NR4A2: variants seen among roughly 807,000 people sequenced by gnomAD.
NR4A2 encodes NGFI-B/nur77 beta-type transcription factor homolog.
A neutral mutation model predicts 50.5 loss-of-function variants in NR4A2; 1 was observed. That is an observed-to-expected ratio of 0.02 (90% CI 0.01 to 0.09). The LOEUF is 0.09. Among genes scored for constraint, NR4A2 ranks in the 10% least tolerant of loss-of-function variants. The pLI is 1.00. For missense variants in NR4A2, 613 were observed against 777.3 expected (o/e 0.79, Z 2.51); for synonymous variants, 328 against 309.4 (o/e 1.06, Z -0.63).
chr2:156,329,426 C>T lies in NR4A2; in HGVS notation c.761G>A (p.Arg254Gln), dbSNP rs774316165. Reference protein sequence around the residue: ...LDTQVPSPPSRGSPSNEGLCA... With the variant: ...LDTQVPSPPSQGSPSNEGLCA... ...CAGCCCCTCGTTGGAGGGGGAGCCC[C>T]GCGACGGCGGTGAGGGCACCTGCGT... Residue 254 changes from arginine to glutamine, a missense_variant, in exon 3 of 8, where the codon CGG (arginine) becomes CAG (glutamine). This residue lies in a region of NR4A2 where 275 missense variants were observed against 248.9 expected (regional missense o/e 1.10). Coordinates refer to ENST00000339562, the MANE Select transcript of NR4A2 (RefSeq NM_006186.4). The surrounding 1 kb of genome is among the most constrained non-coding windows in gnomAD (Gnocchi z 7.5). 1 of 1,609,364 alleles carries T rather than the reference C, an allele frequency of 6.2e-7. No individual in the cohort carries two copies. Among genetic ancestry groups the T allele is most frequent in the Non-Finnish European group, 8.5e-7 (1 of 1,179,098 alleles).
rs111928086 is a variant in NR4A2 at position 156,330,534 on chromosome 2, G to T, written c.-3+134C>A. The T allele has an allele frequency of 8.2e-4, 801 of 980,194 alleles. 2 individuals are homozygous for T. The African/African-American group carries it at 0.012, about 14-fold the overall frequency. The allele number at this position is 980,194 out of a possible 1,614,324, so 60.7% of individuals were successfully genotyped here. A position where few individuals can be genotyped will look rare whatever the true frequency, so the allele number is the denominator to read the frequency against. On this transcript the variant is annotated intron_variant, in intron 2 of 7. Coordinates refer to ENST00000339562, the MANE Select transcript of NR4A2 (RefSeq NM_006186.4). ...GAAATGACCATCTAGAAATGAAGTT[G>T]AATTTCACAATGAGAAAGTTGTTCC...
rs755000111 is a variant in NR4A2, at chr2:156,327,933, G to A, written c.1076C>T (p.Ser359Leu). ...GGCACTGATCAGACTCACCGGGGGC[G>A]AAGGGGGAGAGGGCTCCTGTGGGCT... ...PKSPQEPSPP[S>L]PPVSLISALV... The change falls in exon 5 of 8, where the codon TCG (serine) becomes TTG (leucine). Residue 359 changes from serine to leucine, a missense_variant. By Grantham distance (145) the Ser-to-Leu change is moderately radical. Transcript: ENST00000339562. 2.5e-6 allele frequency: 4 copies of A among 1,596,820 alleles called. No individual in the cohort carries two copies. In the African/African-American group the frequency reaches 4.0e-5, roughly 16 times the overall value.
At chr2:156,327,549 G>A (rs1355086795) in intron 5 of NR4A2, among the ~76,000 whole-genome samples, 1 of 151,782 alleles carries the variant, frequency 6.6e-6, no homozygotes, top group Non-Finnish European at 1.5e-5. Context: ...CATGGTAGAG[G>A]CACTGGTGTA....
rs1271960819 is a variant in NR4A2 at position 156,328,507 on chromosome 2, G to A, written c.891C>T (p.Tyr297=). 14 of 1,614,042 alleles carry A rather than the reference G, an allele frequency of 8.7e-6. No individual in the cohort carries two copies. The highest frequency in any genetic ancestry group is 1.2e-5 in the Non-Finnish European group (14 of 1,180,036). The change falls in exon 4 of 8, where the codon TAC becomes TAT. Residue 297 remains tyrosine (Y), a synonymous_variant. Transcript: ENST00000339562. The surrounding 1 kb of genome is among the most constrained non-coding windows in gnomAD (Gnocchi z 4.9). ...GGCAGTTTTTATTTGCTAAACACAC[G>A]TATTTTGCATTTTTTTGCACTGTGC... The part of the protein sequence containing the change: ...FKRTVQKNAK[Y]VCLANKNCPV...
chr2:156,332,558 T>C lies in NR4A2; in HGVS notation c.-205A>G. ...CCCTCTGGGAGCCCGGGCGCCGGGGTCGGGTAGGGGTGGGAGAGCTGGGCG... is the reference window on the plus strand; with the variant it reads ...CCCTCTGGGAGCCCGGGCGCCGGGGCCGGGTAGGGGTGGGAGAGCTGGGCG... On this transcript the variant is annotated 5_prime_UTR_variant, in exon 1 of 8. Coordinates refer to ENST00000339562, the MANE Select transcript of NR4A2 (RefSeq NM_006186.4). 1 of 1,269,470 alleles carries C rather than the reference T, an allele frequency of 7.9e-7. No individual in the cohort carries two copies. The highest frequency in any genetic ancestry group is 1.2e-5 in the South Asian group (1 of 80,606). The allele number at this position is 1,269,470 out of a possible 1,614,324, so 78.6% of individuals were successfully genotyped here.
intron 1 of NR4A2, among the ~76,000 whole-genome samples, chr2:156,332,256 A>C (rs1050314859): frequency 6.6e-6 from 1 of 152,120 alleles, no homozygotes; most frequent in African/African-American, 2.4e-5. Context: ...GGAGCCTGGA[A>C]ACCTCTGTCG....
intron 2 of NR4A2, 143 bp from the exon 3 acceptor site, chr2:156,330,331 G>C: frequency 1.0e-6 from 1 of 984,576 alleles, no homozygotes; most frequent in Non-Finnish European, 1.6e-6. Context: ...AGGAGAGAGA[G>C]AATGCTGCAG....
At position 156,326,705 on chromosome 2, in the gene NR4A2, C is replaced by T. The variant is rs1686660120; in HGVS notation, c.1361+13G>A. On this transcript the variant is annotated intron_variant, in intron 6 of 7. Coordinates refer to ENST00000339562, the MANE Select transcript of NR4A2 (RefSeq NM_006186.4). This position sits in a 1 kb window ranked among gnomAD's most constrained non-coding sequence, Gnocchi z 4.2. ...ACAGCCTCCCTGGATTGTCTCCCTC[C>T]CTCCCTTATTACCTGTATGCTAATC... 1 of 1,613,352 alleles carries T rather than the reference C, an allele frequency of 6.2e-7. No homozygotes were observed. Among genetic ancestry groups the T allele is most frequent in the Admixed American group, 1.7e-5 (1 of 60,016 alleles).
At position 156,328,646 on chromosome 2, in the gene NR4A2, A is replaced by G; in HGVS notation, c.865-113T>C. ...GTCTACGATTCCTCCCCACAAACAA[A>G]CACATACACACAATTCCATTTTATT... On this transcript the variant is annotated intron_variant, in intron 3 of 7. Transcript: ENST00000339562. This position sits in a 1 kb window ranked among gnomAD's most constrained non-coding sequence, Gnocchi z 4.9. 8.3e-7 allele frequency: 1 copy of G among 1,209,266 alleles called. No homozygotes were observed. Among genetic ancestry groups the G allele is most frequent in the Non-Finnish European group, 1.2e-6 (1 of 824,366 alleles). 74.9% of individuals were successfully genotyped at this position (1,209,266 alleles called of 1,614,324 possible). A position where few individuals can be genotyped will look rare whatever the true frequency, so the allele number is the denominator to read the frequency against.
Position 156,329,227 on chromosome 2 carries a change from G to A in NR4A2, c.864+96C>T, listed in dbSNP as rs1558867696. 5 of 1,514,506 alleles carry A rather than the reference G, an allele frequency of 3.3e-6. No individual in the cohort carries two copies. In the Admixed American group the frequency reaches 9.8e-5, roughly 30 times the overall value. The allele number at this position is 1,514,506 out of a possible 1,614,324, so 93.8% of individuals were successfully genotyped here. On this transcript the variant is annotated intron_variant, in intron 3 of 7. Coordinates refer to ENST00000339562, the MANE Select transcript of NR4A2 (RefSeq NM_006186.4). This position sits in a 1 kb window ranked among gnomAD's most constrained non-coding sequence, Gnocchi z 7.5. ...AGAGCTGGGCAGTCCCGGGAGAGCTGGGGCTGGGCTACTGGCACCAAGGCA... is the reference window on the plus strand; with the variant it reads ...AGAGCTGGGCAGTCCCGGGAGAGCTAGGGCTGGGCTACTGGCACCAAGGCA...
rs1294286159 is a variant in NR4A2, at chr2:156,329,551, C to A, written c.636G>T (p.Val212=). ...GCACAGCGAAGGTCTGCCCGTCCACCACGTGGTGGCTGCCGGCGGGCTCCG... is the reference window on the plus strand; with the variant it reads ...GCACAGCGAAGGTCTGCCCGTCCACAACGTGGTGGCTGCCGGCGGGCTCCG... ...MNPEPAGSHH[V]VDGQTFAVPN... The change falls in exon 3 of 8, where the codon GTG becomes GTT. Residue 212 remains valine (V), a synonymous_variant. Transcript: ENST00000339562. This position sits in a 1 kb window ranked among gnomAD's most constrained non-coding sequence, Gnocchi z 7.5. 2 of 1,603,368 alleles carry A rather than the reference C, an allele frequency of 1.2e-6. No individual in the cohort carries two copies. The highest frequency in any genetic ancestry group is 3.3e-5 in the Admixed American group (2 of 59,774).
chr2:156,332,346 T>C, intron 1 of NR4A2, 134 bp downstream of exon 1: 1 of 688,204 alleles, frequency 1.5e-6, no homozygotes, highest in Non-Finnish European at 2.2e-6. Flanking sequence ...CTCCCCATCC[T>C]TCGGTCCCAC....
chr2:156,328,088 G>A lies in NR4A2; in HGVS notation c.995-74C>T. The A allele has an allele frequency of 1.0e-5, 16 of 1,551,338 alleles. No homozygotes were observed. Among genetic ancestry groups the A allele is most frequent in the Non-Finnish European group, 1.4e-5 (16 of 1,145,028 alleles). ...GCTGCTGCCTCGGTCCCTCCCCGGG[G>A]AAGGCCGCAGCCGCGGGGCACCAGG... On this transcript the variant is annotated intron_variant, in intron 4 of 7. Coordinates refer to ENST00000339562, the MANE Select transcript of NR4A2 (RefSeq NM_006186.4). The surrounding 1 kb of genome is among the most constrained non-coding windows in gnomAD (Gnocchi z 4.9).
intron 1 of NR4A2, 132 bp downstream of exon 1, chr2:156,332,348 C>T (rs750959364): frequency 1.4e-6 from 1 of 691,440 alleles, no homozygotes; most frequent in Non-Finnish European, 2.2e-6. Flanking sequence ...CCCCATCCTT[C>T]GGTCCCACTC....
In NR4A2 at chr2:156,328,597, GA is replaced by G. The variant is rs1166007781; in HGVS notation, c.865-65del. On this transcript the variant is annotated intron_variant, in intron 3 of 7. Coordinates refer to ENST00000339562, the MANE Select transcript of NR4A2 (RefSeq NM_006186.4). This position sits in a 1 kb window ranked among gnomAD's most constrained non-coding sequence, Gnocchi z 4.9. ...TCTTTTGAAAATCAGGCAACTCGGA[GA>G]AAATTTCTGTTATGTGACTGGGGTC... The G allele has an allele frequency of 6.2e-7, 1 of 1,607,774 alleles. No homozygotes were observed.
At chr2:156,327,751 C>G (rs1686716179) in intron 5 of NR4A2, 100 bp downstream of exon 5, 1 of 1,464,784 alleles carries the variant, frequency 6.8e-7, no homozygotes, top group African/African-American at 1.4e-5. Flanking sequence ...TGCTTGCCTT[C>G]TTTACCCCCG....
Position 156,325,039 on chromosome 2 carries a change from C to T in NR4A2, c.*705G>A, listed in dbSNP as rs1686577027. 3 of 152,862 alleles carry T rather than the reference C, an allele frequency of 2.0e-5. No individual in the cohort carries two copies. Among genetic ancestry groups the T allele is most frequent in the African/African-American group, 7.2e-5 (3 of 41,426 alleles). The allele number at this position is 152,862 out of a possible 1,614,324, so 9.5% of individuals were successfully genotyped here. On this transcript the variant is annotated 3_prime_UTR_variant, in exon 8 of 8. Transcript: ENST00000339562. ...TTACTGAAGTAGCAAGTGCCTATAA[C>T]ATTTTCAACCTAGAATCAACATGCT...
rs551131035 is a variant in NR4A2 at position 156,325,198 on chromosome 2, T to G, written c.*546A>C. On this transcript the variant is annotated 3_prime_UTR_variant, in exon 8 of 8. Coordinates refer to ENST00000339562, the MANE Select transcript of NR4A2 (RefSeq NM_006186.4). ...TGCATTGGGTAAATTTACAAGCCTT[T>G]GCCTTCTTCAACTCATGCCACCCAC... The G allele has an allele frequency of 6.5e-6, 1 of 154,054 alleles. No homozygotes were observed. Among genetic ancestry groups the G allele is most frequent in the Admixed American group, 6.4e-5 (1 of 15,526 alleles). 9.5% of individuals were successfully genotyped at this position (154,054 alleles called of 1,614,324 possible).
chr2:156,329,911 T>C lies in NR4A2; in HGVS notation c.276A>G (p.Val92=). 1 of 1,614,162 alleles carries C rather than the reference T, an allele frequency of 6.2e-7. No individual in the cohort carries two copies. Among genetic ancestry groups the C allele is most frequent in the East Asian group, 2.2e-5 (1 of 44,882 alleles). ...GGTAGTTGTGCATCTGAATGTCTTC[T>C]ACCTTAATGGAGGACTGCTGTCCGG... ...PLSGQQSSIK[V]EDIQMHNYQQ... is the part of the protein sequence containing the mutation. Residue 92 remains valine (V), a synonymous_variant, in exon 3 of 8, where the codon GTA becomes GTG. Coordinates refer to ENST00000339562, the MANE Select transcript of NR4A2 (RefSeq NM_006186.4). The surrounding 1 kb of genome is among the most constrained non-coding windows in gnomAD (Gnocchi z 7.5).
Sources: gnomAD v4.1 joint callset for allele counts (sites outside exome capture counted in the v4.1 genomes callset) on GRCh38, gnomAD v4.1.1 for gene constraint, gnomAD v4.1.1 regional missense constraint, Gnocchi (gnomAD v3.1) non-coding constraint, MANE v1.5 for transcripts, NCBI Gene and HGNC (gene_info 2026-07-23, HGNC 2026-07-21) for gene names.